NRG3: variants seen among roughly 807,000 people sequenced by gnomAD.
The protein encoded by NRG3 is neuregulin 3.
A neutral mutation model predicts 66.9 loss-of-function variants in NRG3; 31 were observed. The ratio of observed to expected loss-of-function variants is 0.46; its 90% CI spans 0.35 to 0.63. NRG3 has a LOEUF of 0.63. Ranked by LOEUF, NRG3 falls within the 20% of genes least tolerant of loss-of-function variation. The pLI, the probability that NRG3 is intolerant of heterozygous loss-of-function variation, is 0.00. For missense variants in NRG3, 910 were observed against 878.9 expected, an observed-to-expected ratio of 1.04 and a Z score of -0.45; for synonymous variants, 393 against 359.4, an observed-to-expected ratio of 1.09 and a Z score of -1.06.
At chr10:82,246,005 T>C (rs1271791260) in intron 1 of NRG3, among the ~76,000 whole-genome samples, 1 of 134,198 alleles carries the variant, frequency 7.5e-6, no homozygotes, top group Non-Finnish European at 1.5e-5. Flanking sequence ...TTTTTTTAAC[T>C]CAACATATAT....
intron 1 of NRG3, among the ~76,000 whole-genome samples, chr10:82,256,265 C>G (rs944898988): frequency 1.5e-4 from 23 of 152,166 alleles, no homozygotes; most frequent in African/African-American, 5.6e-4. Context: ...TTTAAAAATA[C>G]TGTGCATCAT....
intron 3 of NRG3, among the ~76,000 whole-genome samples, chr10:82,754,335 C>T (rs180844530): frequency 2.2e-4 from 33 of 151,466 alleles, no homozygotes; most frequent in Admixed American, 3.3e-4. Flanking sequence ...AGAGCATACC[C>T]TTCGTTAGCT....
At chr10:82,268,998 C>T (rs2078450159) in intron 1 of NRG3, among the ~76,000 whole-genome samples, 1 of 152,148 alleles carries the variant, frequency 6.6e-6, no homozygotes, top group African/African-American at 2.4e-5. Flanking sequence ...TTCTCTGAAA[C>T]ATTGTCTGTA....
chr10:82,869,524 C>G (rs540325104), intron 4 of NRG3, among the ~76,000 whole-genome samples: 1 of 151,918 alleles, frequency 6.6e-6, no homozygotes, highest in African/African-American at 2.4e-5. Context: ...CATTTGTGTT[C>G]TTTCTAGTCA....
chr10:82,334,492 C>G lies in NRG3; in HGVS notation c.824-24247C>G, dbSNP rs572953677. Among the ~76,000 whole-genome samples the G allele has an allele frequency of 9.2e-5, 14 of 152,270 alleles. No individual in the cohort carries two copies. The South Asian group carries it at 2.7e-3, about 29-fold the overall frequency. ...AAATAATAGCTCTAGAAGACAATGTCTGAGCCAAGCAAGAATTAGGTGAGC... is the reference window on the plus strand; with the variant it reads ...AAATAATAGCTCTAGAAGACAATGTGTGAGCCAAGCAAGAATTAGGTGAGC... On this transcript the variant is annotated intron_variant, in intron 1 of 8. Coordinates refer to ENST00000372141, the MANE Select transcript of NRG3 (RefSeq NM_001010848.4).
chr10:82,566,771 A>G (rs1345139892), intron 2 of NRG3, among the ~76,000 whole-genome samples: 1 of 152,000 alleles, frequency 6.6e-6, no homozygotes, highest in Non-Finnish European at 1.5e-5. Context: ...CTTACCAAGT[A>G]GTAGATATTT....
At chr10:82,171,648 T>C (rs1162578842) in intron 1 of NRG3, among the ~76,000 whole-genome samples, 1 of 152,060 alleles carries the variant, frequency 6.6e-6, no homozygotes, top group Non-Finnish European at 1.5e-5. Context: ...AGTTCAGAGG[T>C]AGGCAATTCA....
chr10:82,570,043 C>A (rs539824335), intron 2 of NRG3, among the ~76,000 whole-genome samples: 19 of 151,730 alleles, frequency 1.3e-4, no homozygotes, highest in African/African-American at 4.3e-4. Context: ...TACTGACATG[C>A]TGCAAACCTT....
intron 2 of NRG3, among the ~76,000 whole-genome samples, chr10:82,371,501 T>C (rs2084892129): frequency 6.6e-6 from 1 of 152,090 alleles, no homozygotes; most frequent in South Asian, 2.1e-4. Flanking sequence ...GGTAAGAATA[T>C]AGTGATGAAT....
chr10:82,669,927 CAA>C (rs1163615258), intron 2 of NRG3, among the ~76,000 whole-genome samples: 6 of 103,342 alleles, frequency 5.8e-5, no homozygotes, highest in Non-Finnish European at 4.0e-5. Flanking sequence ...GACTCTGTCT[CAA>C]AAAAAAAAAA....
intron 1 of NRG3, among the ~76,000 whole-genome samples, chr10:81,988,973 G>C (rs2060632279): frequency 6.6e-6 from 1 of 152,014 alleles, no homozygotes; most frequent in Non-Finnish European, 1.5e-5. Context: ...TTAGGAGACT[G>C]TTGAAGTAAC....
intron 2 of NRG3, among the ~76,000 whole-genome samples, chr10:82,609,630 G>A (rs1308612565): frequency 1.3e-5 from 2 of 149,354 alleles, no homozygotes; most frequent in African/African-American, 4.9e-5. Context: ...AAAAAAAATA[G>A]TTGGAAAACA....
intron 2 of NRG3, among the ~76,000 whole-genome samples, chr10:82,609,866 C>A (rs2048201383): frequency 6.6e-6 from 1 of 152,122 alleles, no homozygotes; most frequent in Admixed American, 6.6e-5. Flanking sequence ...AACAAATTAC[C>A]ACAAATTTAG....
intron 2 of NRG3, among the ~76,000 whole-genome samples, chr10:82,543,262 A>C (rs181882105): frequency 2.0e-5 from 3 of 152,158 alleles, no homozygotes; most frequent in Admixed American, 2.0e-4. Flanking sequence ...TGTGGGTTAC[A>C]TAATAGTAAT....
At chr10:82,482,779 T>A (rs902788918) in intron 2 of NRG3, among the ~76,000 whole-genome samples, 1 of 152,208 alleles carries the variant, frequency 6.6e-6, no homozygotes, top group Non-Finnish European at 1.5e-5. Context: ...TGAGGTTTTG[T>A]TAATCTTCAT....
At chr10:82,778,207 A>G (rs2059980645) in intron 3 of NRG3, among the ~76,000 whole-genome samples, 1 of 152,122 alleles carries the variant, frequency 6.6e-6, no homozygotes, top group Admixed American at 6.5e-5. Context: ...TGAGTGCTGC[A>G]TGGGCTTGGA....
intron 1 of NRG3, among the ~76,000 whole-genome samples, chr10:82,110,333 G>A (rs1455457859): frequency 2.0e-5 from 3 of 152,138 alleles, no homozygotes; most frequent in Admixed American, 6.5e-5. Flanking sequence ...AGGAGATGAT[G>A]TTAGAGAGAT....
At chr10:82,678,140 C>G (rs1001207346) in intron 2 of NRG3, among the ~76,000 whole-genome samples, 2 of 152,210 alleles carry the variant, frequency 1.3e-5, no homozygotes, top group Non-Finnish European at 2.9e-5. Flanking sequence ...AGCGGCTGAT[C>G]ACCACTTCAG....
chr10:82,137,250 CTCAG>C (rs1043877930), intron 1 of NRG3, among the ~76,000 whole-genome samples: 85 of 152,146 alleles, frequency 5.6e-4, no homozygotes, highest in Non-Finnish European at 8.8e-5. Flanking sequence ...ACTTGAGATT[CTCAG>C]TCAGGATTGC....
Sources: gnomAD v4.1 joint callset for allele counts (sites outside exome capture counted in the v4.1 genomes callset) on GRCh38, gnomAD v4.1.1 for gene constraint, MANE v1.5 for transcripts, NCBI Gene and HGNC (gene_info 2026-07-23, HGNC 2026-07-21) for gene names.